NT5M: variants seen among roughly 807,000 people sequenced by gnomAD.
NT5M encodes the protein 5',3'-nucleotidase, mitochondrial, also known as 5'(3')-deoxyribonucleotidase, mitochondrial.
NT5M carries 22 observed loss-of-function variants against 22.2 expected under a neutral mutation model. That is an observed-to-expected ratio of 0.99 (90% CI 0.71 to 1.41). The LOEUF (loss-of-function observed/expected upper bound fraction) is 1.41. Ranked by LOEUF, NT5M falls within the 40% of genes most tolerant of loss-of-function variation. NT5M has a pLI of 0.00. For synonymous variants in NT5M, 167 were observed against 133.0 expected, an observed-to-expected ratio of 1.26 and a Z score of -1.76; for missense variants, 322 against 314.8, an observed-to-expected ratio of 1.02 and a Z score of -0.17.
intron 4 of NT5M, 48 bp from the exon 5 acceptor site, chr17:17,346,757 C>G (rs529156189): frequency 6.2e-7 from 1 of 1,600,828 alleles, no homozygotes; most frequent in Non-Finnish European, 8.5e-7. Flanking sequence ...TAGGCGGCTG[C>G]GCTCCAGGTC....
chr17:17,303,631 G>C lies in NT5M; in HGVS notation c.81G>C (p.Gly27=). 1 of 1,394,926 alleles carries C rather than the reference G, an allele frequency of 7.2e-7. No homozygotes were observed. 86.4% of individuals were successfully genotyped at this position (1,394,926 alleles called of 1,614,324 possible). The part of the protein sequence containing the change: ...VPAGRRGAAG[G]LGLAGGRALR... ...CGGGGCGGCGCGGGGCGGCGGGCGG[G>C]CTGGGCCTGGCGGGAGGCCGCGCCC... The change falls in exon 1 of 5, where the codon GGG becomes GGC. Residue 27 remains glycine (G), a synonymous_variant. Coordinates refer to ENST00000389022, the MANE Select transcript of NT5M (RefSeq NM_020201.4).
At chr17:17,320,583 G>C (rs183321852) in intron 2 of NT5M, among the ~76,000 whole-genome samples, 21 of 152,290 alleles carry the variant, frequency 1.4e-4, no homozygotes, top group African/African-American at 4.8e-4. Context: ...TAGGAGTAGG[G>C]GATCACGTTT....
chr17:17,342,705 A>ACCTGTGGAGAGCCAG (rs1161272374), intron 3 of NT5M, among the ~76,000 whole-genome samples: 6 of 152,066 alleles, frequency 3.9e-5, no homozygotes, highest in African/African-American at 1.4e-4. Flanking sequence ...GTTCTTGCCG[A>ACCTGTGGAGAGCCAG]CCTGTGGAGA....
chr17:17,333,010 C>T (rs1024450620), intron 3 of NT5M, among the ~76,000 whole-genome samples: 2 of 152,176 alleles, frequency 1.3e-5, no homozygotes. Flanking sequence ...CTATCCTTGT[C>T]AGCATTTGGT....
At chr17:17,325,187 C>CA (rs2145381496) in intron 3 of NT5M, among the ~76,000 whole-genome samples, 1 of 152,290 alleles carries the variant, frequency 6.6e-6, no homozygotes, top group African/African-American at 2.4e-5. Context: ...ACTGGGTGGC[C>CA]ATGGTGGTTG....
chr17:17,325,926 TTG>T (rs1390993576), intron 3 of NT5M, among the ~76,000 whole-genome samples: 2 of 152,194 alleles, frequency 1.3e-5, no homozygotes, highest in East Asian at 3.8e-4. Context: ...TGAAATGGGT[TTG>T]TGTTTTCGTC....
At chr17:17,319,396 A>G (rs1171659586) in intron 2 of NT5M, among the ~76,000 whole-genome samples, 1 of 152,010 alleles carries the variant, frequency 6.6e-6, no homozygotes, top group Non-Finnish European at 1.5e-5. Flanking sequence ...CTGTAAATAT[A>G]CTAACATTTA....
At chr17:17,333,158 A>G (rs1263025227) in intron 3 of NT5M, among the ~76,000 whole-genome samples, 1 of 152,158 alleles carries the variant, frequency 6.6e-6, no homozygotes, top group East Asian at 1.9e-4. Context: ...TCTGTAACGA[A>G]ATGTTCAAGT....
chr17:17,338,682 T>G (rs1019595298), intron 3 of NT5M, among the ~76,000 whole-genome samples: 3 of 146,882 alleles, frequency 2.0e-5, no homozygotes, highest in Non-Finnish European at 3.0e-5. Flanking sequence ...TAAGGGTTTT[T>G]TTTTTTTTTT....
intron 4 of NT5M, 147 bp from the exon 5 acceptor site, chr17:17,346,658 G>A (rs1260209524): frequency 9.2e-6 from 8 of 868,680 alleles, no homozygotes; most frequent in Middle Eastern, 3.5e-4. Context: ...CACCCGCTGC[G>A]AAGGCGGGTG....
rs968324734 is a variant in NT5M at position 17,311,349 on chromosome 17, A to AT, written c.368+4706_368+4707insT. Among the ~76,000 whole-genome samples, 12 of 151,706 alleles carry AT rather than the reference A, an allele frequency of 7.9e-5. No homozygotes were observed. In the South Asian group the frequency reaches 1.7e-3, roughly 21 times the overall value. On this transcript the variant is annotated intron_variant, in intron 2 of 4. Transcript: ENST00000389022. Reference sequence around the variant, plus strand: ...GTGAGACTCTGTCTCAAAAAAAAAAAAAGAGTTTTAGTTTTAGCTCTTCCA... The same window carrying AT: ...GTGAGACTCTGTCTCAAAAAAAAAAATAAGAGTTTTAGTTTTAGCTCTTCCA...
intron 1 of NT5M, among the ~76,000 whole-genome samples, chr17:17,305,853 T>G (rs965155653): frequency 4.6e-5 from 7 of 152,110 alleles, no homozygotes; most frequent in Non-Finnish European, 1.0e-4. Context: ...TTGGGGGTTC[T>G]TCTCCCAGCT....
chr17:17,307,903 A>T (rs1417643456), intron 2 of NT5M, among the ~76,000 whole-genome samples: 4 of 152,104 alleles, frequency 2.6e-5, no homozygotes, highest in Non-Finnish European at 5.9e-5. Context: ...ACAAACAATT[A>T]GCTGGGCGTG....
At position 17,316,897 on chromosome 17, in the gene NT5M, G is replaced by A. The variant is rs1287188924; in HGVS notation, c.369-6288G>A. 4.0e-5 allele frequency among the ~76,000 whole-genome samples: 6 copies of A among 150,260 alleles called. No individual in the cohort carries two copies. In the East Asian group the frequency reaches 1.2e-3, roughly 30 times the overall value. On this transcript the variant is annotated intron_variant, in intron 2 of 4. Transcript: ENST00000389022. ...GCCTGGCTAATTTTTTGTATTTTTA[G>A]TAGAGACAGCATTTCACCCTGTTAG...
At position 17,347,281 on chromosome 17, in the gene NT5M, T is replaced by C. The variant is rs73981906; in HGVS notation, c.*334T>C. On this transcript the variant is annotated 3_prime_UTR_variant, in exon 5 of 5. Coordinates refer to ENST00000389022, the MANE Select transcript of NT5M (RefSeq NM_020201.4). ...GGGGCTGGTGGCCGTCTCCACTCCCTAGGCAAGTTCTCTGAGGCAGAAGGG... is the reference window on the plus strand; with the variant it reads ...GGGGCTGGTGGCCGTCTCCACTCCCCAGGCAAGTTCTCTGAGGCAGAAGGG... 2.6e-3 allele frequency: 701 copies of C among 273,522 alleles called. 7 individuals carry two copies. The highest frequency in any genetic ancestry group is 0.015 in the African/African-American group (650 of 44,754). 16.9% of individuals were successfully genotyped at this position (273,522 alleles called of 1,614,324 possible).
chr17:17,316,593 C>G (rs2145350288), intron 2 of NT5M, among the ~76,000 whole-genome samples: 1 of 152,044 alleles, frequency 6.6e-6, no homozygotes, highest in African/African-American at 2.4e-5. Context: ...CCAGGCTGGT[C>G]TGGAACTCCT....
chr17:17,334,976 A>T (rs1886836160), intron 3 of NT5M, among the ~76,000 whole-genome samples: 1 of 152,140 alleles, frequency 6.6e-6, no homozygotes, highest in South Asian at 2.1e-4. Flanking sequence ...GGGTCTTCTG[A>T]TCCACAAGCA....
At chr17:17,330,409 G>A (rs1466483591) in intron 3 of NT5M, among the ~76,000 whole-genome samples, 1 of 141,344 alleles carries the variant, frequency 7.1e-6, no homozygotes, top group Non-Finnish European at 1.5e-5. Context: ...GAGTTTTGCT[G>A]TTGTTGCCCA....
At chr17:17,319,286 T>A (rs1006143033) in intron 2 of NT5M, among the ~76,000 whole-genome samples, 2 of 150,636 alleles carry the variant, frequency 1.3e-5, no homozygotes, top group African/African-American at 4.9e-5. Context: ...CCCCGGGCTG[T>A]GGGGAGGGGC....
Sources: allele counts gnomAD v4.1 joint callset (sites outside exome capture counted in the v4.1 genomes callset), GRCh38; gene constraint gnomAD v4.1.1; transcripts MANE v1.5; gene names NCBI Gene and HGNC (gene_info 2026-07-23, HGNC 2026-07-21).